Variants in CLNK observed in about 807,000 individuals in gnomAD.
The protein encoded by CLNK is cytokine-dependent hematopoietic cell linker.
Under a neutral mutation model 68.6 loss-of-function variants are expected in CLNK, and 74 were observed. That is an observed-to-expected ratio of 1.08 (90% CI 0.89 to 1.31). The LOEUF is 1.31. Among genes scored for constraint, CLNK ranks in the 50% most tolerant of loss-of-function variants. The pLI is 0.00. For missense variants in CLNK, 553 were observed against 515.3 expected (o/e 1.07, Z -0.71); for synonymous variants, 198 against 172.2 (o/e 1.15, Z -1.17).
the CLNK span, among the ~76,000 whole-genome samples, chr4:10,696,182 G>A: frequency 4.6e-5 from 7 of 152,108 alleles, no homozygotes; most frequent in Non-Finnish European, 8.8e-5. Context: ...AGTAGATGGC[G>A]TGAGGATGAG....
At chr4:10,713,470 G>A in the CLNK span, among the ~76,000 whole-genome samples, 60 of 152,290 alleles carry the variant, frequency 3.9e-4, no homozygotes, top group Middle Eastern at 0.01. Context: ...AGGAGATAGA[G>A]GAAGGTGCAG....
At position 10,513,138 on chromosome 4, in the gene CLNK, AC is replaced by A. The variant is rs1243068114; in HGVS notation, c.906+325del. Among the ~76,000 whole-genome samples, 5 of 152,050 alleles carry A rather than the reference AC, an allele frequency of 3.3e-5. No individual in the cohort carries two copies. The South Asian group carries it at 1.0e-3, about 32-fold the overall frequency. On this transcript the variant is annotated intron_variant, in intron 16 of 18. Transcript: ENST00000226951. ...AATTGCAACCTGTATATCCTAGTTA[AC>A]CCCCCACAAGATTATTGGACAGCTG...
At chr4:10,575,768 G>A (rs1225819289) in intron 4 of CLNK, among the ~76,000 whole-genome samples, 2 of 152,258 alleles carry the variant, frequency 1.3e-5, no homozygotes, top group African/African-American at 4.8e-5. Flanking sequence ...GGGTAAAAGG[G>A]AAGTGAATCA....
intron 18 of CLNK, among the ~76,000 whole-genome samples, chr4:10,494,356 A>G (rs1453153439): frequency 1.3e-5 from 2 of 152,202 alleles, no homozygotes; most frequent in Non-Finnish European, 2.9e-5. Flanking sequence ...TTTGCTATTA[A>G]TTGTTTTAAT....
rs971098338 is a variant in CLNK at position 10,537,639 on chromosome 4, C to T, written c.602+2855G>A. 3.2e-5 allele frequency among the ~76,000 whole-genome samples: 2 copies of T among 62,712 alleles called. 1 individual carries two copies. The highest frequency in any genetic ancestry group is 1.3e-4 in the African/African-American group (2 of 15,550). The allele number at this position is 62,712 out of a possible 152,430, so 41.1% of individuals were successfully genotyped here. ...TCTCTCTCTTTCTTTCTTTCTTTCTCTTTCTTTCTTTCTTTCTTTCTTTCT... is the reference window on the plus strand; with the variant it reads ...TCTCTCTCTTTCTTTCTTTCTTTCTTTTTCTTTCTTTCTTTCTTTCTTTCT... On this transcript the variant is annotated intron_variant, in intron 11 of 18. Transcript: ENST00000226951.
At chr4:10,537,637 C>CCCTTTCTTTTT (rs1553848137) in intron 11 of CLNK, among the ~76,000 whole-genome samples, 1 of 76,198 alleles carries the variant, frequency 1.3e-5, no homozygotes, top group Non-Finnish European at 2.6e-5. Flanking sequence ...TTCTTTCTTT[C>CCCTTTCTTTTT]TCTTTCTTTC....
At chr4:10,564,799 A>G (rs774470671) in intron 6 of CLNK, 22 bp from the exon 7 acceptor site, 28 of 1,428,340 alleles carry the variant, frequency 2.0e-5, no homozygotes, top group Non-Finnish European at 2.8e-5. Context: ...GAAAAATATG[A>G]AAGTCATACC....
intron 2 of CLNK, among the ~76,000 whole-genome samples, chr4:10,630,457 A>G (rs2531207): frequency 0.68 from 103,584 of 151,876 alleles, 36,314 homozygotes; most frequent in East Asian, 0.77. Flanking sequence ...AGTCGTTTCC[A>G]CTCTTTCTGC....
At chr4:10,568,500 A>G (rs1029021812) in intron 5 of CLNK, among the ~76,000 whole-genome samples, 6 of 152,242 alleles carry the variant, frequency 3.9e-5, no homozygotes, top group African/African-American at 1.2e-4. Context: ...CGTAAATTGA[A>G]TGGCAGGTAG....
At chr4:10,572,966 T>C (rs956457596) in intron 4 of CLNK, among the ~76,000 whole-genome samples, 6 of 151,256 alleles carry the variant, frequency 4.0e-5, no homozygotes, top group African/African-American at 1.2e-4. Context: ...GTGGCTGGGA[T>C]TACAGGAGCA....
chr4:10,641,628 G>T (rs548020076), intron 2 of CLNK, among the ~76,000 whole-genome samples: 1 of 152,276 alleles, frequency 6.6e-6, no homozygotes, highest in African/African-American at 2.4e-5. Context: ...CTCTTCTTCT[G>T]AATGAATAAG....
intron 17 of CLNK, among the ~76,000 whole-genome samples, chr4:10,506,104 G>A (rs1038049663): frequency 2.6e-5 from 4 of 152,100 alleles, no homozygotes; most frequent in African/African-American, 4.8e-5. Context: ...AAGCAATCTC[G>A]TATAGTTCTC....
the CLNK span, among the ~76,000 whole-genome samples, chr4:10,726,287 A>C: frequency 7.9e-5 from 12 of 151,956 alleles, no homozygotes; most frequent in Non-Finnish European, 1.6e-4. Flanking sequence ...CACCCAGCTA[A>C]TTTTTGTATT....
intron 2 of CLNK, among the ~76,000 whole-genome samples, chr4:10,600,874 T>C (rs996360111): frequency 6.6e-6 from 1 of 152,174 alleles, no homozygotes; most frequent in Non-Finnish European, 1.5e-5. Flanking sequence ...CCATGTAGCA[T>C]TTGCCTAAAT....
At chr4:10,556,938 T>G (rs1719694453) in intron 8 of CLNK, among the ~76,000 whole-genome samples, 1 of 151,850 alleles carries the variant, frequency 6.6e-6, no homozygotes, top group Admixed American at 6.6e-5. Flanking sequence ...TAGCCAGGCA[T>G]GGTGGAATGC....
chr4:10,567,411 T>A (rs553507260), intron 5 of CLNK, among the ~76,000 whole-genome samples: 1 of 152,320 alleles, frequency 6.6e-6, no homozygotes, highest in Non-Finnish European at 1.5e-5. Context: ...CTGAACCTCT[T>A]TTTTATATCA....
intron 2 of CLNK, among the ~76,000 whole-genome samples, chr4:10,610,093 GTCGCCCA>G (rs1446403346): frequency 2.4e-5 from 3 of 123,076 alleles, no homozygotes; most frequent in Non-Finnish European, 3.2e-5. Context: ...GTCTCGTTCT[GTCGCCCA>G]GGCGGGAGTG....
intron 2 of CLNK, among the ~76,000 whole-genome samples, chr4:10,664,826 C>T (rs1419299980): frequency 1.3e-5 from 2 of 152,216 alleles, no homozygotes; most frequent in Non-Finnish European, 2.9e-5. Flanking sequence ...TGTACTAGGG[C>T]ATCTTACCTT....
At chr4:10,540,726 G>A in intron 10 of CLNK, 122 bp from the exon 11 acceptor site, 1 of 679,664 alleles carries the variant, frequency 1.5e-6, no homozygotes. Flanking sequence ...GCTAGTTTTT[G>A]GATGCTAACT....
Sources: gnomAD v4.1 joint callset for allele counts (sites outside exome capture counted in the v4.1 genomes callset) on GRCh38, gnomAD v4.1.1 for gene constraint, MANE v1.5 for transcripts, NCBI Gene and HGNC (gene_info 2026-07-23, HGNC 2026-07-21) for gene names.